RBFOX1: variants seen among roughly 807,000 people sequenced by gnomAD.
The protein encoded by RBFOX1 is RNA binding protein fox-1 homolog 1.
Under a neutral mutation model 57.7 loss-of-function variants are expected in RBFOX1, and 8 were observed. The ratio of observed to expected loss-of-function variants is 0.14; its 90% confidence interval spans 0.08 to 0.25. The LOEUF is 0.25. Among genes scored for constraint, RBFOX1 ranks in the 10% least tolerant of loss-of-function variants. The probability of loss-of-function intolerance (pLI) is 1.00; values close to 1 mark genes in which losing one functional copy is unlikely to be tolerated. For missense variants in RBFOX1, 611 were observed against 548.5 expected (o/e 1.11, Z -1.14); for synonymous variants, 326 against 222.4 (o/e 1.47, Z -4.15).
chr16:7,224,818 A>G (rs1343851494), intron 4 of RBFOX1, among the ~76,000 whole-genome samples: 1 of 152,180 alleles, frequency 6.6e-6, no homozygotes, highest in East Asian at 1.9e-4. Context: ...GGTAACTGTT[A>G]GAAATGCAGA....
At chr16:7,705,058 A>C (rs2148384544) in intron 14 of RBFOX1, among the ~76,000 whole-genome samples, 1 of 151,780 alleles carries the variant, frequency 6.6e-6, no homozygotes, top group African/African-American at 2.4e-5. Flanking sequence ...GAAAAAAAAA[A>C]AAAAAAGGCA....
intron 1 of RBFOX1, among the ~76,000 whole-genome samples, chr16:5,375,656 C>T (rs2065966458): frequency 6.6e-6 from 1 of 152,184 alleles, no homozygotes; most frequent in African/African-American, 2.4e-5. Context: ...ATTTATGAAG[C>T]ACCAACTATG....
chr16:5,503,388 C>T (rs550929102), intron 2 of RBFOX1, among the ~76,000 whole-genome samples: 122 of 152,316 alleles, frequency 8.0e-4, no homozygotes, highest in Non-Finnish European at 1.6e-3. Flanking sequence ...AATTCACACA[C>T]CATATAATTC....
intron 4 of RBFOX1, among the ~76,000 whole-genome samples, chr16:7,297,269 C>T (rs2095914534): frequency 6.6e-6 from 1 of 152,206 alleles, no homozygotes; most frequent in African/African-American, 2.4e-5. Flanking sequence ...AACTACCCCA[C>T]CCTGTGAGAT....
chr16:6,597,109 C>G (rs2154000358), intron 2 of RBFOX1, among the ~76,000 whole-genome samples: 1 of 152,264 alleles, frequency 6.6e-6, no homozygotes, highest in South Asian at 2.1e-4. Context: ...TGTTCTTTTT[C>G]TGGAGAAATT....
intron 1 of RBFOX1, among the ~76,000 whole-genome samples, chr16:5,373,142 C>T (rs775988555): frequency 5.3e-5 from 8 of 152,162 alleles, no homozygotes; most frequent in Non-Finnish European, 8.8e-5. Context: ...TGGATTTTCT[C>T]GGCAGAACCA....
intron 4 of RBFOX1, among the ~76,000 whole-genome samples, chr16:7,121,451 TAAAAAC>T (rs1469140100): frequency 2.6e-5 from 4 of 152,030 alleles, no homozygotes; most frequent in African/African-American, 9.7e-5. Flanking sequence ...AGTCAAAACT[TAAAAAC>T]AAACCATTTA....
intron 3 of RBFOX1, among the ~76,000 whole-genome samples, chr16:6,971,565 A>G (rs911063349): frequency 2.0e-5 from 3 of 151,902 alleles, no homozygotes; most frequent in Admixed American, 6.6e-5. Context: ...ATGTGTTCCC[A>G]GTTTACATTA....
intron 4 of RBFOX1, among the ~76,000 whole-genome samples, chr16:7,259,141 G>C (rs572137473): frequency 9.9e-5 from 15 of 152,278 alleles, no homozygotes; most frequent in East Asian, 9.7e-4. Context: ...CTGTCACCTG[G>C]AGAGAAGCTG....
intron 2 of RBFOX1, among the ~76,000 whole-genome samples, chr16:6,457,194 A>G (rs1006192860): frequency 6.6e-6 from 1 of 152,202 alleles, no homozygotes; most frequent in African/African-American, 2.4e-5. Flanking sequence ...AGGATTTATA[A>G]GACAGTCTAA....
At chr16:5,460,843 T>C (rs2068765224) in intron 1 of RBFOX1, among the ~76,000 whole-genome samples, 2 of 152,198 alleles carry the variant, frequency 1.3e-5, no homozygotes, top group Non-Finnish European at 2.9e-5. Context: ...CCTAATCCCA[T>C]TGCAGGAGCG....
intron 2 of RBFOX1, among the ~76,000 whole-genome samples, chr16:5,538,376 G>C (rs2044785290): frequency 6.6e-6 from 1 of 152,080 alleles, no homozygotes; most frequent in African/African-American, 2.4e-5. Flanking sequence ...TTGGGAATGT[G>C]GCATTGCCAT....
chr16:7,630,051 T>C, intron 10 of RBFOX1, among the ~76,000 whole-genome samples: 1 of 152,250 alleles, frequency 6.6e-6, no homozygotes, highest in South Asian at 2.1e-4. Flanking sequence ...AAGTTACCGT[T>C]TTCTCTAAAC....
chr16:5,635,497 C>T (rs922503613), intron 3 of RBFOX1, among the ~76,000 whole-genome samples: 12 of 152,212 alleles, frequency 7.9e-5, no homozygotes, highest in African/African-American at 2.9e-4. Flanking sequence ...TTAGAGCCTT[C>T]TGGCTTTGAG....
At chr16:5,439,117 C>T (rs1046531616) in intron 1 of RBFOX1, among the ~76,000 whole-genome samples, 2 of 151,846 alleles carry the variant, frequency 1.3e-5, no homozygotes, top group Non-Finnish European at 2.9e-5. Context: ...TGGGAAGAAG[C>T]CAGCCTTGGG....
intron 3 of RBFOX1, among the ~76,000 whole-genome samples, chr16:6,711,666 G>A (rs1340095968): frequency 1.3e-5 from 2 of 152,156 alleles, no homozygotes; most frequent in African/African-American, 2.4e-5. Context: ...GTGGAACTGT[G>A]AATCAGTTAA....
intron 3 of RBFOX1, among the ~76,000 whole-genome samples, chr16:7,042,176 G>T (rs1245154117): frequency 6.6e-6 from 1 of 152,216 alleles, no homozygotes; most frequent in African/African-American, 2.4e-5. Context: ...ACACTAGCTA[G>T]TCGGTGCATG....
At chr16:5,564,733 G>A (rs1231447247) in intron 2 of RBFOX1, among the ~76,000 whole-genome samples, 1 of 152,134 alleles carries the variant, frequency 6.6e-6, no homozygotes, top group Non-Finnish European at 1.5e-5. Flanking sequence ...TCTTTGAACA[G>A]TATTTATTGA....
intron 3 of RBFOX1, among the ~76,000 whole-genome samples, chr16:6,715,839 C>G (rs1297492975): frequency 6.6e-6 from 1 of 152,170 alleles, no homozygotes; most frequent in African/African-American, 2.4e-5. Context: ...AGATCATGAA[C>G]CAATACTGTC....
Sources: allele counts gnomAD v4.1 joint callset (sites outside exome capture counted in the v4.1 genomes callset), GRCh38; gene constraint gnomAD v4.1.1; transcripts MANE v1.5; gene names NCBI Gene and HGNC (gene_info 2026-07-23, HGNC 2026-07-21).